The following LRRK1 variants were observed in gnomAD, a reference collection of about 807,000 sequenced individuals.
LRRK1 encodes leucine-rich repeat serine/threonine-protein kinase 1.
LRRK1 carries 113 observed loss-of-function variants against 209.1 expected under a neutral mutation model. The observed-to-expected ratio is 0.54, with a 90% CI of 0.46 to 0.63. LRRK1 has a LOEUF of 0.63. Among genes scored for constraint, LRRK1 ranks in the 30% least tolerant of loss-of-function variants. The probability of loss-of-function intolerance (pLI) is 0.00; values close to 1 mark genes in which losing one functional copy is unlikely to be tolerated. For synonymous variants in LRRK1, 1,144 were observed against 1,099.7 expected, an observed-to-expected ratio of 1.04 and a Z score of -0.80; for missense variants, 2,284 against 2,632.2, an observed-to-expected ratio of 0.87 and a Z score of 2.89.
chr15:100,944,602 G>A (rs891949380), intron 2 of LRRK1, among the ~76,000 whole-genome samples: 1 of 152,152 alleles, frequency 6.6e-6, no homozygotes, highest in Non-Finnish European at 1.5e-5. Flanking sequence ...CCTGATCTTG[G>A]CTTTTTTGCT....
At chr15:100,946,297 T>C (rs1171819339) in intron 2 of LRRK1, among the ~76,000 whole-genome samples, 10 of 151,780 alleles carry the variant, frequency 6.6e-5, no homozygotes. Context: ...AAAGTTCAGG[T>C]GGGGAGGGGA....
At chr15:100,982,220 C>T (rs1452542886) in intron 3 of LRRK1, among the ~76,000 whole-genome samples, 4 of 152,248 alleles carry the variant, frequency 2.6e-5, no homozygotes, top group Admixed American at 2.6e-4. Context: ...GGACACTGGC[C>T]ATCCCATTCC....
rs530142904 is a variant in LRRK1 at position 101,077,466 on chromosome 15, A to C, written c.*8618A>C. The C allele has an allele frequency of 1.3e-5, 2 of 152,302 alleles. No individual in the cohort carries two copies. Among genetic ancestry groups the C allele is most frequent in the African/African-American group, 4.8e-5 (2 of 41,564 alleles). The allele number at this position is 152,302 out of a possible 1,614,324, so 9.4% of individuals were successfully genotyped here. A position where few individuals can be genotyped will look rare whatever the true frequency, so the allele number is the denominator to read the frequency against. On this transcript the variant is annotated 3_prime_UTR_variant, in exon 34 of 34. Transcript: ENST00000388948. ...AATCTTTGCTGGCAGGACTATGCTG[A>C]ACCTCCTTTGGCACTCTCTAATCAG...
chr15:100,937,557 C>T (rs1427417897), intron 2 of LRRK1, among the ~76,000 whole-genome samples: 7 of 141,588 alleles, frequency 4.9e-5, no homozygotes, highest in East Asian at 3.9e-4. Context: ...TATTTTGAGG[C>T]GGAGTCTCAC....
chr15:101,058,617 C>CGGGGGGTG (rs2035958159), intron 29 of LRRK1, among the ~76,000 whole-genome samples: 1 of 75,366 alleles, frequency 1.3e-5, no homozygotes, highest in African/African-American at 7.8e-5. Flanking sequence ...GAAGGGGCAA[C>CGGGGGGTG]GGGGGGGGGC....
chr15:101,024,282 A>C lies in LRRK1; in HGVS notation c.2068-521A>C, dbSNP rs1221714957. Among the ~76,000 whole-genome samples the C allele has an allele frequency of 6.6e-6, 1 of 152,168 alleles. No homozygotes were observed. Among genetic ancestry groups the C allele is most frequent in the Non-Finnish European group, 1.5e-5 (1 of 68,028 alleles). Reference sequence around the variant, plus strand: ...CAGGGCCAGACTCTTACCTCATGCAATGATAGAGAAACCACCGTTTACACA... The same window carrying C: ...CAGGGCCAGACTCTTACCTCATGCACTGATAGAGAAACCACCGTTTACACA... On this transcript the variant is annotated intron_variant, in intron 15 of 33. Coordinates refer to ENST00000388948, the MANE Select transcript of LRRK1 (RefSeq NM_024652.6). The surrounding 1 kb of genome is among the most constrained non-coding windows in gnomAD (Gnocchi z 4.6).
chr15:101,038,176 G>T (rs889296999), intron 20 of LRRK1, among the ~76,000 whole-genome samples: 2 of 152,144 alleles, frequency 1.3e-5, no homozygotes, highest in Admixed American at 6.5e-5. Flanking sequence ...CTATGAGAAT[G>T]CAAAGGCATA....
At position 101,000,793 on chromosome 15, in the gene LRRK1, G is replaced by C. The variant is rs192865720; in HGVS notation, c.763-8044G>C. Among the ~76,000 whole-genome samples the C allele has an allele frequency of 7.3e-3, 1,109 of 152,318 alleles. 45 individuals are homozygous for C. The highest frequency in any genetic ancestry group is 0.067 in the Admixed American group (1,028 of 15,306). ...CCCCACAATAACCTCATTTTGGCTA[G>C]ATGACCTCTGTTTTTAATTAAAGTC... On this transcript the variant is annotated intron_variant, in intron 6 of 33. Transcript: ENST00000388948.
Position 101,075,629 on chromosome 15 carries a change from C to T in LRRK1, c.*6781C>T, listed in dbSNP as rs1470983557. ...CTATAAACTCTCCTTACAATTCCCCCATTTCACTTGTCCTAAAACCAGACA... is the reference window on the plus strand; with the variant it reads ...CTATAAACTCTCCTTACAATTCCCCTATTTCACTTGTCCTAAAACCAGACA... On this transcript the variant is annotated 3_prime_UTR_variant, in exon 34 of 34. Transcript: ENST00000388948. The T allele has an allele frequency of 2.7e-5, 4 of 149,964 alleles. No homozygotes were observed. Among genetic ancestry groups the T allele is most frequent in the African/African-American group, 1.0e-4 (4 of 39,460 alleles). 9.3% of individuals were successfully genotyped at this position (149,964 alleles called of 1,614,324 possible).
In LRRK1 at chr15:101,021,090, T is replaced by G. The variant is rs770331453; in HGVS notation, c.1647T>G (p.Ser549=). The G allele has an allele frequency of 6.2e-7, 1 of 1,614,192 alleles. No homozygotes were observed. Among genetic ancestry groups the G allele is most frequent in the Non-Finnish European group, 8.5e-7 (1 of 1,180,024 alleles). ...VLEFPAFLSE[S]LEVLCLNDNH... ...AATTTCCGGCCTTCCTAAGTGAGTC[T>G]TTGGAAGTCCTTTGCCTGAACGACA... The change falls in exon 13 of 34, where the codon TCT becomes TCG. Residue 549 remains serine, a synonymous_variant. Transcript: ENST00000388948.
chr15:100,995,544 A>G (rs764905165), intron 6 of LRRK1, among the ~76,000 whole-genome samples: 2 of 152,354 alleles, frequency 1.3e-5, no homozygotes, highest in East Asian at 1.9e-4. Context: ...TAAAGCTGCT[A>G]AAGTTTTGCC....
intron 16 of LRRK1, among the ~76,000 whole-genome samples, chr15:101,025,394 G>A (rs1348645468): frequency 2.6e-5 from 4 of 152,186 alleles, no homozygotes; most frequent in African/African-American, 4.8e-5. Context: ...GGAGAATGAG[G>A]AGCACAGGTG....
chr15:101,076,812 A>C lies in LRRK1; in HGVS notation c.*7964A>C, dbSNP rs1315530582. 1 of 152,214 alleles carries C rather than the reference A, an allele frequency of 6.6e-6. No individual in the cohort carries two copies. 9.4% of individuals were successfully genotyped at this position (152,214 alleles called of 1,614,324 possible). ...GAGTCAGATAACTAAAATACCTCTT[A>C]TTCTAGGTAGACACTTTCACTGGAT... On this transcript the variant is annotated 3_prime_UTR_variant, in exon 34 of 34. Transcript: ENST00000388948.
chr15:101,041,420 C>T (rs1377546364), intron 20 of LRRK1, among the ~76,000 whole-genome samples: 1 of 151,992 alleles, frequency 6.6e-6, no homozygotes, highest in Non-Finnish European at 1.5e-5. Flanking sequence ...TGTATTTATA[C>T]CATCTGATTT....
At chr15:101,066,611 G>T in intron 32 of LRRK1, 29 bp from the exon 33 acceptor site, 6 of 1,605,968 alleles carry the variant, frequency 3.7e-6, no homozygotes, top group Non-Finnish European at 5.1e-6. Flanking sequence ...CCGACAAATC[G>T]CTTCCCCTTC....
chr15:101,020,018 G>A (rs2033704212), intron 12 of LRRK1, among the ~76,000 whole-genome samples: 1 of 152,184 alleles, frequency 6.6e-6, no homozygotes, highest in South Asian at 2.1e-4. Flanking sequence ...TCAAAGAATG[G>A]CATTGTAAGA....
rs921108197 is a variant in LRRK1 at position 101,077,451 on chromosome 15, G to A, written c.*8603G>A. The stretch of plus-strand genomic sequence containing the variant: ...AACTCTTAAATACATAATCTTTGCT[G>A]GCAGGACTATGCTGAACCTCCTTTG... On this transcript the variant is annotated 3_prime_UTR_variant, in exon 34 of 34. Transcript: ENST00000388948. The A allele has an allele frequency of 2.0e-5, 3 of 152,152 alleles. No homozygotes were observed. Among genetic ancestry groups the A allele is most frequent in the African/African-American group, 7.2e-5 (3 of 41,426 alleles). The allele number at this position is 152,152 out of a possible 1,614,324, so 9.4% of individuals were successfully genotyped here. A position where few individuals can be genotyped will look rare whatever the true frequency, so the allele number is the denominator to read the frequency against.
At chr15:100,988,439 A>T in intron 4 of LRRK1, 195 bp from the exon 5 acceptor site, 1 of 626,658 alleles carries the variant, frequency 1.6e-6, no homozygotes, top group Non-Finnish European at 2.8e-6. Context: ...TAGGATAATG[A>T]CCTCCAGCTC....
chr15:100,947,203 C>T (rs1415566449), intron 2 of LRRK1, among the ~76,000 whole-genome samples: 3 of 152,202 alleles, frequency 2.0e-5, no homozygotes, highest in Admixed American at 1.3e-4. Flanking sequence ...GTGATCCGCC[C>T]GCCTCGGCCT....
Sources: gnomAD v4.1 joint callset for allele counts (sites outside exome capture counted in the v4.1 genomes callset) on GRCh38, gnomAD v4.1.1 for gene constraint, Gnocchi (gnomAD v3.1) non-coding constraint, MANE v1.5 for transcripts, NCBI Gene and HGNC (gene_info 2026-07-23, HGNC 2026-07-21) for gene names.